The following SHC3 variants were observed in gnomAD, a reference collection of about 807,000 sequenced individuals.
The protein encoded by SHC3 is SHC-transforming protein 3.
Under a neutral mutation model 60.4 loss-of-function variants are expected in SHC3, and 15 were observed. The observed-to-expected ratio is 0.25, with a 90% confidence interval of 0.17 to 0.38. The LOEUF is 0.38. Ranked by LOEUF, SHC3 falls within the 10% of genes least tolerant of loss-of-function variation. SHC3 has a pLI of 1.00. For missense variants in SHC3, 677 were observed against 786.1 expected, an observed-to-expected ratio of 0.86 and a Z score of 1.66; for synonymous variants, 294 against 325.9, an observed-to-expected ratio of 0.90 and a Z score of 1.05.
At chr9:89,145,527 T>C (rs1182388578) in intron 1 of SHC3, among the ~76,000 whole-genome samples, 1 of 152,054 alleles carries the variant, frequency 6.6e-6, no homozygotes, top group Admixed American at 6.6e-5. Flanking sequence ...AACGATAAGA[T>C]GAGTAAAAGA....
At chr9:89,028,906 A>G (rs904692553) in intron 11 of SHC3, among the ~76,000 whole-genome samples, 2 of 147,836 alleles carry the variant, frequency 1.4e-5, no homozygotes, top group African/African-American at 4.9e-5. Context: ...CTATTAATCT[A>G]TATCTATTAA....
At chr9:89,121,291 ATTT>A (rs891104858) in intron 1 of SHC3, among the ~76,000 whole-genome samples, 1 of 145,288 alleles carries the variant, frequency 6.9e-6, no homozygotes. Context: ...GGAAGTTTCT[ATTT>A]TTTTTTTTTT....
At chr9:89,155,972 C>A (rs189576010) in intron 1 of SHC3, among the ~76,000 whole-genome samples, 1 of 152,222 alleles carries the variant, frequency 6.6e-6, no homozygotes, top group Admixed American at 6.5e-5. Context: ...AGCCTAAAAC[C>A]CATGAATCTA....
At chr9:89,100,946 T>C (rs1365864054) in intron 2 of SHC3, among the ~76,000 whole-genome samples, 1 of 152,230 alleles carries the variant, frequency 6.6e-6, no homozygotes, top group Non-Finnish European at 1.5e-5. Flanking sequence ...TGTCAATTTC[T>C]ACAAAAAGCC....
At chr9:89,150,582 A>G (rs1459768832) in intron 1 of SHC3, among the ~76,000 whole-genome samples, 1 of 152,206 alleles carries the variant, frequency 6.6e-6, no homozygotes, top group African/African-American at 2.4e-5. Context: ...GTATGTATAT[A>G]CCACCTTCTG....
At chr9:89,036,963 T>A (rs1316870160) in intron 11 of SHC3, among the ~76,000 whole-genome samples, 2 of 141,958 alleles carry the variant, frequency 1.4e-5, no homozygotes, top group African/African-American at 2.6e-5. Flanking sequence ...ACATATATGT[T>A]AAAAAAAAAA....
chr9:89,069,656 G>C (rs1407839210), intron 5 of SHC3, among the ~76,000 whole-genome samples: 1 of 152,214 alleles, frequency 6.6e-6, no homozygotes, highest in Non-Finnish European at 1.5e-5. Flanking sequence ...AAGGGTCTGA[G>C]ATGGGGTCAC....
intron 11 of SHC3, among the ~76,000 whole-genome samples, chr9:89,024,890 A>T (rs1357282672): frequency 6.6e-6 from 1 of 152,154 alleles, no homozygotes; most frequent in East Asian, 1.9e-4. Flanking sequence ...CAGCATCTGA[A>T]TGCAGAGTAT....
At chr9:89,154,785 G>A in intron 1 of SHC3, among the ~76,000 whole-genome samples, 1 of 152,310 alleles carries the variant, frequency 6.6e-6, no homozygotes. Flanking sequence ...TATGACTGGG[G>A]TTTGGTTAAA....
At chr9:89,162,378 C>T (rs1219210683) in intron 1 of SHC3, among the ~76,000 whole-genome samples, 1 of 152,092 alleles carries the variant, frequency 6.6e-6, no homozygotes, top group Non-Finnish European at 1.5e-5. Flanking sequence ...CAGCATGGTA[C>T]TGGTGACAAA....
At chr9:89,026,092 A>G (rs1826293443) in intron 11 of SHC3, among the ~76,000 whole-genome samples, 2 of 152,022 alleles carry the variant, frequency 1.3e-5, no homozygotes, top group African/African-American at 4.8e-5. Context: ...AAAAATACAC[A>G]CACACACCCC....
In SHC3 at chr9:89,011,163, T is replaced by C. The variant is rs1471441299; in HGVS notation, c.*2284A>G. 1 of 152,326 alleles carries C rather than the reference T, an allele frequency of 6.6e-6. No individual in the cohort carries two copies. Among genetic ancestry groups the C allele is most frequent in the East Asian group, 1.9e-4 (1 of 5,186 alleles). 9.4% of individuals were successfully genotyped at this position (152,326 alleles called of 1,614,324 possible). Reference sequence around the variant, plus strand: ...CTTAAAAATGTATATTTTGAATTAATATTAAAAAGAAAAAATTCGACTCCA... The same window carrying C: ...CTTAAAAATGTATATTTTGAATTAACATTAAAAAGAAAAAATTCGACTCCA... On this transcript the variant is annotated 3_prime_UTR_variant, in exon 12 of 12. Transcript: ENST00000375835.
chr9:89,031,624 C>T (rs1824494228), intron 11 of SHC3, among the ~76,000 whole-genome samples: 1 of 152,160 alleles, frequency 6.6e-6, no homozygotes, highest in Admixed American at 6.5e-5. Flanking sequence ...CGACATTTTA[C>T]TTTCTTATTT....
chr9:89,144,397 A>AC (rs1237593766), intron 1 of SHC3, among the ~76,000 whole-genome samples: 1 of 152,206 alleles, frequency 6.6e-6, no homozygotes, highest in Non-Finnish European at 1.5e-5. Context: ...GGCTTGTTAA[A>AC]CGCAAGCTGC....
Position 89,131,242 on chromosome 9 carries a change from G to A in SHC3, c.475-18616C>T, listed in dbSNP as rs540857054. 3.9e-5 allele frequency among the ~76,000 whole-genome samples: 6 copies of A among 152,178 alleles called. No individual in the cohort carries two copies. The South Asian group carries it at 1.2e-3, about 32-fold the overall frequency. On this transcript the variant is annotated intron_variant, in intron 1 of 11. Transcript: ENST00000375835. Reference sequence around the variant, plus strand: ...GAATCCCTGAATAGACCAATAACAGGCTCTGAAATTGAGGCAATTATTAAT... The same window carrying A: ...GAATCCCTGAATAGACCAATAACAGACTCTGAAATTGAGGCAATTATTAAT...
intron 4 of SHC3, among the ~76,000 whole-genome samples, chr9:89,074,691 C>CAAAAAAAAAAAAAAAAA (rs68051828): frequency 1.7e-5 from 1 of 59,926 alleles, no homozygotes; most frequent in African/African-American, 6.9e-5. Flanking sequence ...GCCACTAAAG[C>CAAAAAAAAAAAAAAAAA]AAAAAAAAAA....
At chr9:89,127,697 G>C (rs1826184122) in intron 1 of SHC3, among the ~76,000 whole-genome samples, 2 of 151,880 alleles carry the variant, frequency 1.3e-5, no homozygotes, top group South Asian at 4.2e-4. Flanking sequence ...GGCAGTTATG[G>C]GGGGATACTT....
At chr9:89,035,840 T>TATATATAA in intron 11 of SHC3, among the ~76,000 whole-genome samples, 1 of 109,426 alleles carries the variant, frequency 9.1e-6, no homozygotes, top group African/African-American at 3.6e-5. Flanking sequence ...AATATATATA[T>TATATATAA]ATATATATAG....
intron 2 of SHC3, among the ~76,000 whole-genome samples, chr9:89,092,181 G>A (rs886420456): frequency 3.3e-5 from 5 of 152,278 alleles, no homozygotes; most frequent in Admixed American, 1.3e-4. Flanking sequence ...CATCTGCAGC[G>A]GCCCACCTGT....
Sources: gnomAD v4.1 joint callset for allele counts (sites outside exome capture counted in the v4.1 genomes callset) on GRCh38, gnomAD v4.1.1 for gene constraint, MANE v1.5 for transcripts, NCBI Gene and HGNC (gene_info 2026-07-23, HGNC 2026-07-21) for gene names.